KRT23: variants seen among roughly 807,000 people sequenced by gnomAD.
KRT23 encodes the protein keratin 23.
Under a neutral mutation model 47.6 loss-of-function variants are expected in KRT23, and 38 were observed. The observed-to-expected ratio is 0.80, with a 90% CI of 0.62 to 1.05. KRT23 has a LOEUF of 1.05. KRT23 is among the 50% of genes least tolerant of loss of function. The pLI, the probability that KRT23 is intolerant of heterozygous loss-of-function variation, is 0.00. For synonymous variants in KRT23, 191 were observed against 199.0 expected (o/e 0.96, Z 0.34); for missense variants, 503 against 529.5 (o/e 0.95, Z 0.49).
intron 3 of KRT23, among the ~76,000 whole-genome samples, chr17:40,930,736 C>G (rs1331423099): frequency 2.6e-5 from 4 of 151,406 alleles, no homozygotes; most frequent in African/African-American, 9.7e-5. Context: ...TACACTACAG[C>G]CTGGCAACAG....
intron 4 of KRT23, chr17:40,929,706 G>A: frequency 2.1e-6 from 1 of 473,862 alleles, no homozygotes; most frequent in South Asian, 4.8e-5. Flanking sequence ...TAACAAAACT[G>A]TTGACCAATT....
Position 40,936,209 on chromosome 17 carries a change from T to C in KRT23, c.395A>G (p.Gln132Arg). 6.2e-7 allele frequency: 1 copy of C among 1,614,140 alleles called. No homozygotes were observed. Among genetic ancestry groups the C allele is most frequent in the Non-Finnish European group, 8.5e-7 (1 of 1,180,036 alleles). ...YEENITHLQE[Q>R]IVDGKMTNAQ... ...CTCCAGGGTCACCCAGCATCTTACC[T>C]GCTCCTGCAGGTGTGTGATGTTTTC... The change falls in exon 2 of 9, where the codon CAG becomes CGG. Residue 132 changes from glutamine to arginine, a missense_variant and splice_region_variant. Physicochemically the swap from Gln to Arg is conservative, Grantham distance 43 (BLOSUM62 1). Transcript: ENST00000209718.
At chr17:40,928,110 A>T in intron 6 of KRT23, 128 bp downstream of exon 6, 2 of 1,189,522 alleles carry the variant, frequency 1.7e-6, no homozygotes, top group African/African-American at 3.0e-5. Context: ...ATCATAAACA[A>T]TTTGGATGGA....
In KRT23 at chr17:40,925,505, C is replaced by T; in HGVS notation, c.991G>A (p.Glu331Lys). The T allele has an allele frequency of 6.2e-7, 1 of 1,614,182 alleles. No individual in the cohort carries two copies. Among genetic ancestry groups the T allele is most frequent in the Middle Eastern group, 1.7e-4 (1 of 6,058 alleles). The change falls in exon 7 of 9, where the codon GAG (glutamate) becomes AAG (lysine). Residue 331 changes from glutamate to lysine, a missense_variant. Transcript: ENST00000209718. Reference sequence around the variant, plus strand: ...TCCTCCTCATAGTGGGAGATGATCTCTTGCATGTCCTGGAGCTTGCAGGAG... The same window carrying T: ...TCCTCCTCATAGTGGGAGATGATCTTTTGCATGTCCTGGAGCTTGCAGGAG... ...RYSCKLQDMQ[E>K]IISHYEEELT... is the part of the protein sequence containing the mutation.
intron 4 of KRT23, 197 bp from the exon 5 acceptor site, chr17:40,928,804 A>C (rs1909418583): frequency 3.7e-6 from 2 of 533,444 alleles, no homozygotes; most frequent in Non-Finnish European, 6.5e-6. Flanking sequence ...TAATAATTTT[A>C]TAAAATAAAG....
chr17:40,936,187 C>T (rs1910052028), intron 2 of KRT23, 21 bp downstream of exon 2: 2 of 1,613,662 alleles, frequency 1.2e-6, no homozygotes, highest in Non-Finnish European at 1.7e-6. Flanking sequence ...TCTGGATCTC[C>T]AGGGTCACCC....
At chr17:40,925,128 C>A (rs529488238) in intron 7 of KRT23, 126 of 572,592 alleles carry the variant, frequency 2.2e-4, no homozygotes, top group African/African-American at 2.2e-3. Flanking sequence ...CTTCTAGAGA[C>A]TTTAACTCTT....
At chr17:40,931,571 T>G in intron 2 of KRT23, 116 bp from the exon 3 acceptor site, 1 of 715,466 alleles carries the variant, frequency 1.4e-6, no homozygotes, top group Non-Finnish European at 2.5e-6. Context: ...ACAGACAACT[T>G]CTTGTTCTGG....
intron 2 of KRT23, among the ~76,000 whole-genome samples, chr17:40,932,964 T>A (rs998678338): frequency 2.6e-5 from 4 of 152,154 alleles, no homozygotes; most frequent in African/African-American, 7.2e-5. Context: ...AAAATAGCAA[T>A]AACAATAGTT....
chr17:40,935,284 A>T (rs1274632110), intron 2 of KRT23, among the ~76,000 whole-genome samples: 1 of 152,118 alleles, frequency 6.6e-6, no homozygotes, highest in Non-Finnish European at 1.5e-5. Context: ...GAAATAATAT[A>T]TATAAATATT....
intron 2 of KRT23, among the ~76,000 whole-genome samples, chr17:40,935,111 G>GTT (rs61234380): frequency 0.095 from 13,052 of 137,120 alleles, 655 homozygotes; most frequent in Non-Finnish European, 0.11. Context: ...GAGTCACCTT[G>GTT]TTTTTTTTTT....
chr17:40,926,925 C>T lies in KRT23; in HGVS notation c.921+1313G>A, dbSNP rs189109330. ...CTCCTCTTCTCTCCTTTCTTCTTCC[C>T]TTCATTCACTCACTGTAGCCACATG... On this transcript the variant is annotated intron_variant, in intron 6 of 8. Transcript: ENST00000209718. Among the ~76,000 whole-genome samples, 596 of 152,146 alleles carry T rather than the reference C, an allele frequency of 3.9e-3. 1 individual carries two copies. Among genetic ancestry groups the T allele is most frequent in the African/African-American group, 0.014 (578 of 41,508 alleles).
Position 40,936,760 on chromosome 17 carries a change from T to C in KRT23, c.-157A>G. On this transcript the variant is annotated 5_prime_UTR_variant, in exon 2 of 9. Coordinates refer to ENST00000209718, the MANE Select transcript of KRT23 (RefSeq NM_015515.5). ...CAACAAGATTGTATCATTGTGCAAC[T>C]TGTGTTTCCTCTTGGTCAATCCCAA... 1.5e-6 allele frequency: 1 copy of C among 655,840 alleles called. No individual in the cohort carries two copies. The highest frequency in any genetic ancestry group is 3.8e-5 in the Admixed American group (1 of 26,484). The allele number at this position is 655,840 out of a possible 1,614,324, so 40.6% of individuals were successfully genotyped here.
intron 3 of KRT23, among the ~76,000 whole-genome samples, chr17:40,931,012 C>CTTTT (rs1165590099): frequency 0.03 from 3,616 of 120,786 alleles, 373 homozygotes; most frequent in African/African-American, 0.11. Flanking sequence ...ATGAGTTTTC[C>CTTTT]TTTTTTTTTT....
chr17:40,929,859 T>A (rs1909523530), intron 4 of KRT23, 81 bp downstream of exon 4: 20 of 1,292,258 alleles, frequency 1.5e-5, no homozygotes. Context: ...AGGTGGTGGT[T>A]TCTTCTGTAG....
Position 40,925,233 on chromosome 17 carries a change from G to C in KRT23, c.1142+121C>G, listed in dbSNP as rs1239070713. 3.2e-5 allele frequency: 25 copies of C among 789,682 alleles called. No homozygotes were observed. The East Asian group carries it at 5.8e-4, about 18-fold the overall frequency. 48.9% of individuals were successfully genotyped at this position (789,682 alleles called of 1,614,324 possible). On this transcript the variant is annotated intron_variant, in intron 7 of 8. Transcript: ENST00000209718. ...CCAGCTATAGGTATCTTCTGGAGTA[G>C]CTCAACACAACTTTTCTCTTGCTAG...
At chr17:40,928,696 T>C in intron 4 of KRT23, 89 bp from the exon 5 acceptor site, 1 of 1,226,628 alleles carries the variant, frequency 8.2e-7, no homozygotes, top group Non-Finnish European at 1.1e-6. Flanking sequence ...AATAGATCTT[T>C]TAAACATTCC....
intron 2 of KRT23, among the ~76,000 whole-genome samples, chr17:40,934,531 A>T (rs1156586789): frequency 2.0e-5 from 3 of 152,212 alleles, no homozygotes; most frequent in African/African-American, 7.2e-5. Context: ...TACCTGCTCC[A>T]CACAGTTGTG....
Position 40,928,281 on chromosome 17 carries a change from G to A in KRT23, c.878C>T (p.Thr293Ile). Residue 293 changes from threonine (T) to isoleucine (I), a missense_variant, in exon 6 of 9, where the codon ACA becomes ATA. By Grantham distance (89) the Thr-to-Ile change is moderately conservative. Coordinates refer to ENST00000209718, the MANE Select transcript of KRT23 (RefSeq NM_015515.5). ...CAGGTCAATCTCCAGGGCCTGGAATGTGCGCTTCAGTTCGTGGATGTCACC... is the reference window on the plus strand; with the variant it reads ...CAGGTCAATCTCCAGGGCCTGGAATATGCGCTTCAGTTCGTGGATGTCACC... ...RQGDIHELKR[T>I]FQALEIDLQT... 6.2e-7 allele frequency: 1 copy of A among 1,614,172 alleles called. No individual in the cohort carries two copies. Among genetic ancestry groups the A allele is most frequent in the East Asian group, 2.2e-5 (1 of 44,886 alleles).
Sources: allele counts gnomAD v4.1 joint callset (sites outside exome capture counted in the v4.1 genomes callset), GRCh38; gene constraint gnomAD v4.1.1; transcripts MANE v1.5; gene names NCBI Gene and HGNC (gene_info 2026-07-23, HGNC 2026-07-21).